MINDY3: variants seen among roughly 807,000 people sequenced by gnomAD.
The protein encoded by MINDY3 is ubiquitin carboxyl-terminal hydrolase MINDY-3.
MINDY3 carries 38 observed loss-of-function variants against 69.2 expected under a neutral mutation model. That is an observed-to-expected ratio of 0.55 (90% CI 0.42 to 0.72). The LOEUF (loss-of-function observed/expected upper bound fraction) is 0.72. Ranked by LOEUF, MINDY3 falls within the 30% of genes least tolerant of loss-of-function variation. MINDY3 has a pLI of 0.00. For synonymous variants in MINDY3, 192 were observed against 180.1 expected (o/e 1.07, Z -0.53); for missense variants, 522 against 519.0 (o/e 1.01, Z -0.06).
chr10:15,848,687 A>T (rs150852788), intron 1 of MINDY3, among the ~76,000 whole-genome samples: 2 of 148,258 alleles, frequency 1.3e-5, no homozygotes, highest in Non-Finnish European at 3.0e-5. Flanking sequence ...ATGGCATTGT[A>T]GACAGTACAT....
intron 12 of MINDY3, among the ~76,000 whole-genome samples, chr10:15,787,986 T>C (rs1202511851): frequency 1.3e-5 from 2 of 152,114 alleles, no homozygotes; most frequent in East Asian, 3.9e-4. Context: ...ATTGAATCAA[T>C]TGTACTAACT....
At chr10:15,817,173 A>G (rs923573427) in intron 9 of MINDY3, 2 of 351,232 alleles carry the variant, frequency 5.7e-6, no homozygotes, top group African/African-American at 2.1e-5. Context: ...GGAGATAACT[A>G]TTTAGCCCTA....
chr10:15,794,002 A>T (rs1837620692), intron 11 of MINDY3, among the ~76,000 whole-genome samples: 1 of 152,074 alleles, frequency 6.6e-6, no homozygotes, highest in African/African-American at 2.4e-5. Flanking sequence ...TTAGGAATAT[A>T]CCCACAGCAC....
chr10:15,848,029 G>T, intron 1 of MINDY3, 86 bp from the exon 2 acceptor site: 1 of 1,078,816 alleles, frequency 9.3e-7, no homozygotes, highest in South Asian at 1.3e-5. Context: ...CTTTGAGAAT[G>T]ATCACTTATC....
chr10:15,853,590 A>C (rs1240638787), intron 1 of MINDY3, among the ~76,000 whole-genome samples: 1 of 152,142 alleles, frequency 6.6e-6, no homozygotes, highest in Non-Finnish European at 1.5e-5. Flanking sequence ...GATCTTGAAT[A>C]CAATGTCTTT....
chr10:15,859,021 C>T (rs1289074077), intron 1 of MINDY3, among the ~76,000 whole-genome samples: 2 of 152,144 alleles, frequency 1.3e-5, no homozygotes, highest in Admixed American at 1.3e-4. Flanking sequence ...AATCGAGAGA[C>T]CTGGAATCCA....
chr10:15,841,033 CAAGTA>C (rs1393610112), intron 4 of MINDY3, among the ~76,000 whole-genome samples: 4 of 151,250 alleles, frequency 2.6e-5, no homozygotes, highest in Admixed American at 2.6e-4. Context: ...CTCTGGGAAG[CAAGTA>C]AAGATAACTT....
At chr10:15,796,276 C>T (rs972861643) in intron 10 of MINDY3, 104 bp from the exon 11 acceptor site, 1 of 842,346 alleles carries the variant, frequency 1.2e-6, no homozygotes, top group Non-Finnish European at 2.0e-6. Context: ...AGTCAGAAGA[C>T]TTTGAGTTAC....
intron 9 of MINDY3, among the ~76,000 whole-genome samples, chr10:15,818,893 T>C (rs1366910379): frequency 1.3e-5 from 2 of 152,150 alleles, no homozygotes; most frequent in African/African-American, 2.4e-5. Flanking sequence ...GAAAACATTT[T>C]GGAATTAGAT....
At chr10:15,802,776 T>A (rs1431106876) in intron 10 of MINDY3, among the ~76,000 whole-genome samples, 1 of 151,972 alleles carries the variant, frequency 6.6e-6, no homozygotes, top group Non-Finnish European at 1.5e-5. Flanking sequence ...ACTGTAACTG[T>A]CATTACTAAT....
chr10:15,847,020 G>T (rs1044909778), intron 2 of MINDY3, among the ~76,000 whole-genome samples: 1 of 152,102 alleles, frequency 6.6e-6, no homozygotes, highest in Non-Finnish European at 1.5e-5. Context: ...ACCGTGCCTG[G>T]CCAGAATGCA....
intron 10 of MINDY3, among the ~76,000 whole-genome samples, chr10:15,811,139 G>C (rs909176050): frequency 2.6e-5 from 4 of 152,010 alleles, no homozygotes; most frequent in African/African-American, 9.7e-5. Flanking sequence ...AAGGAAAGCA[G>C]GTTAGGAATA....
intron 6 of MINDY3, among the ~76,000 whole-genome samples, chr10:15,836,281 A>G (rs939415346): frequency 6.6e-6 from 1 of 151,988 alleles, no homozygotes; most frequent in African/African-American, 2.4e-5. Flanking sequence ...ACTTGCCCTC[A>G]TGCATCAAGG....
intron 10 of MINDY3, among the ~76,000 whole-genome samples, chr10:15,800,253 A>G (rs1838164579): frequency 6.6e-6 from 1 of 152,136 alleles, no homozygotes; most frequent in Non-Finnish European, 1.5e-5. Context: ...AAATGCCACA[A>G]ATCTATTATA....
chr10:15,822,656 G>A (rs1284743455), intron 8 of MINDY3, among the ~76,000 whole-genome samples: 2 of 152,126 alleles, frequency 1.3e-5, no homozygotes, highest in African/African-American at 4.8e-5. Flanking sequence ...AGCTAAGCTG[G>A]GATTGAGGTA....
In MINDY3 at chr10:15,837,244, A is replaced by G. The variant is rs1833144087; in HGVS notation, c.536T>C (p.Phe179Ser). The change falls in exon 6 of 15, where the codon TTT becomes TCT. Residue 179 changes from phenylalanine (F) to serine (S), a missense_variant. By Grantham distance (155) the Phe-to-Ser change is radical. Transcript: ENST00000277632. ...LDQYSMWGNK[F>S]GVLLFLYSVL... ...AGAATACAGAAAAAGCAATACTCCAAATTTATTTCCCCACATTGAATACTG... is the reference window on the plus strand; with the variant it reads ...AGAATACAGAAAAAGCAATACTCCAGATTTATTTCCCCACATTGAATACTG... 6.2e-7 allele frequency: 1 copy of G among 1,607,572 alleles called. No homozygotes were observed. Among genetic ancestry groups the G allele is most frequent in the Non-Finnish European group, 8.5e-7 (1 of 1,176,512 alleles).
chr10:15,791,259 T>C (rs1417399353), intron 11 of MINDY3, among the ~76,000 whole-genome samples: 1 of 152,010 alleles, frequency 6.6e-6, no homozygotes, highest in Non-Finnish European at 1.5e-5. Context: ...ATGTTAACCA[T>C]ACCTACAAAA....
intron 12 of MINDY3, among the ~76,000 whole-genome samples, chr10:15,788,351 C>T (rs910239344): frequency 6.6e-6 from 1 of 152,054 alleles, no homozygotes; most frequent in Non-Finnish European, 1.5e-5. Flanking sequence ...AAGCTTGAGA[C>T]ACATTAATTC....
chr10:15,782,369 T>C, intron 13 of MINDY3, 143 bp from the exon 14 acceptor site: 1 of 609,252 alleles, frequency 1.6e-6, no homozygotes, highest in Non-Finnish European at 2.8e-6. Context: ...CTTAGGTTTA[T>C]GGAGTTGTAA....
Sources: allele counts gnomAD v4.1 joint callset (sites outside exome capture counted in the v4.1 genomes callset), GRCh38; gene constraint gnomAD v4.1.1; transcripts MANE v1.5; gene names NCBI Gene and HGNC (gene_info 2026-07-23, HGNC 2026-07-21).